The following TRPS1 variants were observed in gnomAD, a reference collection of about 807,000 sequenced individuals.
The protein encoded by TRPS1 is zinc finger transcription factor Trps1.
TRPS1 carries 6 observed loss-of-function variants against 101.2 expected under a neutral mutation model. The observed-to-expected ratio is 0.06, with a 90% confidence interval of 0.03 to 0.12. The LOEUF (loss-of-function observed/expected upper bound fraction) is 0.12. Ranked by LOEUF, TRPS1 falls within the 10% of genes least tolerant of loss-of-function variation. The probability of loss-of-function intolerance (pLI) is 1.00; values close to 1 mark genes in which losing one functional copy is unlikely to be tolerated. For synonymous variants in TRPS1, 578 were observed against 589.8 expected (o/e 0.98, Z 0.29); for missense variants, 1,363 against 1,567.0 (o/e 0.87, Z 2.20).
chr8:115,414,448 A>G lies in TRPS1; in HGVS notation c.3460T>C (p.Tyr1154His). 1 of 1,613,998 alleles carries G rather than the reference A, an allele frequency of 6.2e-7. No individual in the cohort carries two copies. The highest frequency in any genetic ancestry group is 2.2e-5 in the East Asian group (1 of 44,864). ...AGATTGAAGGTGGGATAAGGCACATAGTTTTGGCAAGGATTTGGTAGGCCA... is the reference window on the plus strand; with the variant it reads ...AGATTGAAGGTGGGATAAGGCACATGGTTTTGGCAAGGATTTGGTAGGCCA... ...VPGLPNPCQN[Y>H]VPYPTFNLPP... Residue 1154 changes from tyrosine (Y) to histidine (H), a missense_variant, in exon 7 of 7, where the codon TAT becomes CAT. By Grantham distance (83) the Tyr-to-His change is moderately conservative. Transcript: ENST00000395715. This position sits in a 1 kb window ranked among gnomAD's most constrained non-coding sequence, Gnocchi z 4.8.
intron 5 of TRPS1, among the ~76,000 whole-genome samples, chr8:115,499,951 CTTTCTTTCTTTCT>C (rs1372959800): frequency 0.012 from 668 of 57,574 alleles, 3 homozygotes; most frequent in East Asian, 0.028. Context: ...TTCTTTCTTT[CTTTCTTTCTTTCT>C]TTTCTTTTCT....
intron 3 of TRPS1, among the ~76,000 whole-genome samples, chr8:115,611,522 G>A (rs1012956716): frequency 1.3e-5 from 2 of 152,178 alleles, no homozygotes; most frequent in Non-Finnish European, 2.9e-5. Flanking sequence ...CTTCTGCTGA[G>A]ACATGTAACA....
At chr8:115,634,268 T>G (rs1041015406) in intron 1 of TRPS1, among the ~76,000 whole-genome samples, 1 of 152,156 alleles carries the variant, frequency 6.6e-6, no homozygotes, top group African/African-American at 2.4e-5. Flanking sequence ...GAACTTTGGG[T>G]TTAAGCAAAG....
At chr8:115,532,859 A>G (rs1313848982) in intron 5 of TRPS1, among the ~76,000 whole-genome samples, 1 of 152,162 alleles carries the variant, frequency 6.6e-6, no homozygotes, top group Non-Finnish European at 1.5e-5. Flanking sequence ...GATGATAAGA[A>G]GGCAGAGAAG....
chr8:115,426,802 A>G (rs1813197660), intron 5 of TRPS1, among the ~76,000 whole-genome samples: 1 of 152,208 alleles, frequency 6.6e-6, no homozygotes, highest in African/African-American at 2.4e-5. Context: ...CCAGATCCCA[A>G]GGTTAAGAAC....
chr8:115,447,478 AAAGATAT>A (rs1813766979), intron 5 of TRPS1, among the ~76,000 whole-genome samples: 1 of 152,182 alleles, frequency 6.6e-6, no homozygotes, highest in Non-Finnish European at 1.5e-5. Context: ...CTTTTGAGCA[AAAGATAT>A]AAGATATAAA....
intron 5 of TRPS1, among the ~76,000 whole-genome samples, chr8:115,441,067 C>A (rs946175630): frequency 6.6e-6 from 1 of 152,176 alleles, no homozygotes; most frequent in Non-Finnish European, 1.5e-5. Flanking sequence ...AACCATCAAA[C>A]TTCTATCTCC....
At chr8:115,651,106 A>C (rs1455310601) in intron 1 of TRPS1, among the ~76,000 whole-genome samples, 1 of 152,220 alleles carries the variant, frequency 6.6e-6, no homozygotes, top group Non-Finnish European at 1.5e-5. Context: ...GTTATCCTCA[A>C]TTAAGGACAC....
At chr8:115,543,512 A>C (rs1163317684) in intron 5 of TRPS1, among the ~76,000 whole-genome samples, 2 of 152,158 alleles carry the variant, frequency 1.3e-5, no homozygotes, top group Non-Finnish European at 2.9e-5. Flanking sequence ...CTTTGGTTCT[A>C]AGATATGCAA....
At chr8:115,498,384 T>C (rs1158438291) in intron 5 of TRPS1, among the ~76,000 whole-genome samples, 1 of 66,098 alleles carries the variant, frequency 1.5e-5, no homozygotes, top group Non-Finnish European at 2.7e-5. Context: ...TCTCTCTCTC[T>C]CTCTCTCTCT....
intron 5 of TRPS1, among the ~76,000 whole-genome samples, chr8:115,549,633 A>T (rs1816656992): frequency 6.6e-6 from 1 of 151,640 alleles, no homozygotes; most frequent in Non-Finnish European, 1.5e-5. Context: ...CAGACTTAGG[A>T]ACCTTGGTCA....
chr8:115,630,607 T>C (rs1586475521), intron 1 of TRPS1, among the ~76,000 whole-genome samples: 1 of 152,178 alleles, frequency 6.6e-6, no homozygotes, highest in East Asian at 1.9e-4. Flanking sequence ...TTGATACATA[T>C]TCTAACCTGA....
intron 5 of TRPS1, among the ~76,000 whole-genome samples, chr8:115,461,750 A>G (rs901331105): frequency 1.3e-5 from 2 of 152,194 alleles, no homozygotes; most frequent in African/African-American, 4.8e-5. Context: ...TAAAAACCTC[A>G]TCTAGGAGTA....
intron 3 of TRPS1, among the ~76,000 whole-genome samples, chr8:115,611,238 T>C (rs998185126): frequency 2.3e-4 from 35 of 152,230 alleles, no homozygotes; most frequent in African/African-American, 8.4e-4. Flanking sequence ...ATAGCACTCC[T>C]CTACAGCATC....
At chr8:115,471,873 C>A (rs1008287559) in intron 5 of TRPS1, among the ~76,000 whole-genome samples, 2 of 152,202 alleles carry the variant, frequency 1.3e-5, no homozygotes, top group Non-Finnish European at 2.9e-5. Context: ...CCATGTGTCA[C>A]AAGTAGGTCA....
intron 5 of TRPS1, among the ~76,000 whole-genome samples, chr8:115,503,846 A>G (rs1815377459): frequency 6.6e-6 from 1 of 152,212 alleles, no homozygotes; most frequent in African/African-American, 2.4e-5. Flanking sequence ...AATTCAAACC[A>G]TCAAATTGTT....
intron 5 of TRPS1, among the ~76,000 whole-genome samples, chr8:115,528,945 G>A (rs1816064945): frequency 2.0e-5 from 3 of 151,884 alleles, no homozygotes; most frequent in East Asian, 1.9e-4. Flanking sequence ...AACATTATGA[G>A]GACAAACAAG....
intron 4 of TRPS1, among the ~76,000 whole-genome samples, chr8:115,596,199 G>A (rs1323389687): frequency 2.0e-5 from 3 of 151,728 alleles, no homozygotes; most frequent in South Asian, 2.1e-4. Context: ...TCTTGTCATC[G>A]CATACACTAC....
chr8:115,574,440 T>A (rs1294811671), intron 5 of TRPS1, among the ~76,000 whole-genome samples: 1 of 152,118 alleles, frequency 6.6e-6, no homozygotes, highest in East Asian at 1.9e-4. Context: ...CCAAATATAA[T>A]GAATCTCTAG....
Sources: gnomAD v4.1 joint callset for allele counts (sites outside exome capture counted in the v4.1 genomes callset) on GRCh38, gnomAD v4.1.1 for gene constraint, Gnocchi (gnomAD v3.1) non-coding constraint, MANE v1.5 for transcripts, NCBI Gene and HGNC (gene_info 2026-07-23, HGNC 2026-07-21) for gene names.